The following SHLD1 variants were observed in gnomAD, a reference collection of about 807,000 sequenced individuals.
SHLD1 encodes the protein shieldin complex subunit 1.
Under a neutral mutation model 5.5 loss-of-function variants are expected in SHLD1, and 3 were observed. The observed-to-expected ratio is 0.54, with a 90% confidence interval of 0.25 to 1.40. The LOEUF (loss-of-function observed/expected upper bound fraction) is 1.40, where lower values mean the gene tolerates loss of function less well. Among genes scored for constraint, SHLD1 ranks in the 40% most tolerant of loss-of-function variants. The pLI, the probability that SHLD1 is intolerant of heterozygous loss-of-function variation, is 0.15. For missense variants in SHLD1, 210 were observed against 244.4 expected, an observed-to-expected ratio of 0.86 and a Z score of 0.94; for synonymous variants, 92 against 94.3, an observed-to-expected ratio of 0.98 and a Z score of 0.14.
chr20:5,827,545 C>G (rs1249035149), intron 2 of SHLD1, among the ~76,000 whole-genome samples: 1 of 152,302 alleles, frequency 6.6e-6, no homozygotes, highest in African/African-American at 2.4e-5. Context: ...CACCTGCCTT[C>G]ACCCACAGGC....
chr20:5,807,243 G>A (rs796324407), intron 2 of SHLD1, among the ~76,000 whole-genome samples: 41 of 152,072 alleles, frequency 2.7e-4, no homozygotes, highest in Admixed American at 1.6e-3. Flanking sequence ...AAAATTCCTC[G>A]TAATACCCAT....
intron 2 of SHLD1, among the ~76,000 whole-genome samples, chr20:5,777,866 C>A (rs149408826): frequency 5.0e-4 from 76 of 152,146 alleles, no homozygotes; most frequent in African/African-American, 1.7e-3. Flanking sequence ...AGAACAAACA[C>A]TTTGGAGAGG....
At chr20:5,751,685 G>A (rs1983758467) in intron 1 of SHLD1, among the ~76,000 whole-genome samples, 1 of 152,112 alleles carries the variant, frequency 6.6e-6, no homozygotes, top group Admixed American at 6.6e-5. Context: ...ATAAAACTCT[G>A]TAAACTATTT....
intron 1 of SHLD1, among the ~76,000 whole-genome samples, chr20:5,762,344 A>C (rs1296114780): frequency 6.6e-6 from 1 of 152,198 alleles, no homozygotes. Flanking sequence ...GAAGGGAATT[A>C]GAAATAAATA....
intron 1 of SHLD1, chr20:5,756,685 CTTTCTTTTT>C (rs757479800): frequency 8.2e-5 from 12 of 146,668 alleles, no homozygotes; most frequent in South Asian, 4.9e-4. Flanking sequence ...TTCTTTCTTT[CTTTCTTTTT>C]TTTTTTTTTT....
intron 1 of SHLD1, among the ~76,000 whole-genome samples, chr20:5,753,261 G>A (rs1050333018): frequency 1.3e-5 from 2 of 152,090 alleles, no homozygotes; most frequent in Non-Finnish European, 2.9e-5. Flanking sequence ...CCTATGTCTT[G>A]CATGGCCTAG....
intron 1 of SHLD1, among the ~76,000 whole-genome samples, chr20:5,761,956 AT>A (rs886767902): frequency 4.7e-5 from 7 of 150,238 alleles, no homozygotes; most frequent in South Asian, 2.1e-4. Flanking sequence ...GAAGGTAAGT[AT>A]TTTTTTTTCA....
At position 5,863,541 on chromosome 20, in the gene SHLD1, C is replaced by G; in HGVS notation, c.*78C>G. 7.1e-7 allele frequency: 1 copy of G among 1,411,914 alleles called. No individual in the cohort carries two copies. Among genetic ancestry groups the G allele is most frequent in the Non-Finnish European group, 9.6e-7 (1 of 1,038,692 alleles). The allele number at this position is 1,411,914 out of a possible 1,614,324, so 87.5% of individuals were successfully genotyped here. A position where few individuals can be genotyped will look rare whatever the true frequency, so the allele number is the denominator to read the frequency against. ...CAGTGTTGGTGGCCACCCAGATCCC[C>G]TAGGGTCTCTGGCCAGCTCTGTGTG... On this transcript the variant is annotated 3_prime_UTR_variant, in exon 3 of 3. Coordinates refer to ENST00000303142, the MANE Select transcript of SHLD1 (RefSeq NM_152504.4).
chr20:5,861,252 C>G (rs946616861), intron 2 of SHLD1, among the ~76,000 whole-genome samples: 1 of 152,240 alleles, frequency 6.6e-6, no homozygotes, highest in Non-Finnish European at 1.5e-5. Flanking sequence ...ATTCTGCTAC[C>G]CTGGCACTGC....
intron 2 of SHLD1, among the ~76,000 whole-genome samples, chr20:5,799,467 ATTT>A (rs548170853): frequency 1.9e-4 from 19 of 98,504 alleles, no homozygotes; most frequent in African/African-American, 7.5e-4. Flanking sequence ...TGCCTGGCTA[ATTT>A]TTTTTTTTTT....
intron 2 of SHLD1, among the ~76,000 whole-genome samples, chr20:5,778,540 G>A (rs11907558): frequency 0.043 from 6,422 of 151,060 alleles, 481 homozygotes; most frequent in African/African-American, 0.15. Context: ...CTGGGAGGTG[G>A]AGGTTGCAGT....
At position 5,815,233 on chromosome 20, in the gene SHLD1, C is replaced by T. The variant is rs1014045566; in HGVS notation, c.178+42190C>T. Among the ~76,000 whole-genome samples, 62 of 152,238 alleles carry T rather than the reference C, an allele frequency of 4.1e-4. 1 individual carries two copies. Among genetic ancestry groups the T allele is most frequent in the East Asian group, 1.9e-4 (1 of 5,186 alleles). ...TGCAAGTTTTAATGATCTTGATGCCCGGGACTCATCTCCAGAAGCTCTGAT... is the reference window on the plus strand; with the variant it reads ...TGCAAGTTTTAATGATCTTGATGCCTGGGACTCATCTCCAGAAGCTCTGAT... On this transcript the variant is annotated intron_variant, in intron 2 of 2. Coordinates refer to ENST00000303142, the MANE Select transcript of SHLD1 (RefSeq NM_152504.4).
chr20:5,817,544 CTG>C (rs2087552885), intron 2 of SHLD1, among the ~76,000 whole-genome samples: 2 of 151,654 alleles, frequency 1.3e-5, no homozygotes, highest in African/African-American at 4.8e-5. Context: ...AGCCTGTACT[CTG>C]TAGCTAGTTT....
At chr20:5,776,532 GC>G (rs1261519878) in intron 2 of SHLD1, among the ~76,000 whole-genome samples, 1 of 152,128 alleles carries the variant, frequency 6.6e-6, no homozygotes, top group Non-Finnish European at 1.5e-5. Flanking sequence ...GGAGGCCGAG[GC>G]GGGTGCATCG....
chr20:5,837,264 A>G (rs2087800763), intron 2 of SHLD1, among the ~76,000 whole-genome samples: 2 of 152,154 alleles, frequency 1.3e-5, no homozygotes, highest in African/African-American at 4.8e-5. Context: ...TCCGCCCACC[A>G]CCTGCAATAA....
At chr20:5,849,803 C>CAA (rs2087979672) in intron 2 of SHLD1, among the ~76,000 whole-genome samples, 2 of 149,144 alleles carry the variant, frequency 1.3e-5, no homozygotes, top group African/African-American at 2.5e-5. Context: ...ACTAAAAATA[C>CAA]AAAAAATTAG....
At chr20:5,838,226 G>A (rs1057372534) in intron 2 of SHLD1, among the ~76,000 whole-genome samples, 4 of 152,136 alleles carry the variant, frequency 2.6e-5, no homozygotes, top group Admixed American at 6.5e-5. Flanking sequence ...GCTGTAATAG[G>A]ATGTCAACAC....
At chr20:5,786,594 A>C (rs1023432454) in intron 2 of SHLD1, among the ~76,000 whole-genome samples, 1 of 71,354 alleles carries the variant, frequency 1.4e-5, no homozygotes, top group African/African-American at 6.4e-5. Flanking sequence ...AAAAAAAAAA[A>C]GAAAAGAAAA....
At chr20:5,825,173 C>A (rs1365296576) in intron 2 of SHLD1, among the ~76,000 whole-genome samples, 1 of 152,242 alleles carries the variant, frequency 6.6e-6, no homozygotes, top group African/African-American at 2.4e-5. Context: ...ATCGCAGCAA[C>A]CTGCCTTTGC....
Sources: allele counts gnomAD v4.1 joint callset (sites outside exome capture counted in the v4.1 genomes callset), GRCh38; gene constraint gnomAD v4.1.1; transcripts MANE v1.5; gene names NCBI Gene and HGNC (gene_info 2026-07-23, HGNC 2026-07-21).